GTF2IRD2: variants seen among roughly 807,000 people sequenced by gnomAD.
GTF2IRD2 encodes general transcription factor II-I repeat domain-containing protein 2A.
A neutral mutation model predicts 49.2 loss-of-function variants in GTF2IRD2; 8 were observed. The ratio of observed to expected loss-of-function variants is 0.16; its 90% CI spans 0.10 to 0.29. GTF2IRD2 has a LOEUF of 0.29. GTF2IRD2 is among the 10% of genes least tolerant of loss of function. The pLI is 1.00. For synonymous variants in GTF2IRD2, 47 were observed against 289.7 expected (o/e 0.16, Z 8.51); for missense variants, 130 against 725.7 (o/e 0.18, Z 9.43).
intron 15 of GTF2IRD2, among the ~76,000 whole-genome samples, 174 bp from the exon 16 acceptor site, chr7:74,798,439 C>T (rs1797196769): frequency 6.6e-6 from 1 of 151,736 alleles, no homozygotes; most frequent in Non-Finnish European, 1.5e-5. Flanking sequence ...TCAACTCCAG[C>T]AAACCGCTGC....
chr7:74,822,754 G>T lies in GTF2IRD2; in HGVS notation c.412C>A (p.Arg138=), dbSNP rs781985333. ...TGCACTACCACAGCCGACTGGTCTC[G>T]CAGCATCTTCTCATAGGGAACAGGC... ...MVPVPYEKML[R]DQSAVVVQGL... is the part of the protein sequence containing the mutation. Residue 138 remains arginine (R), a synonymous_variant, in exon 5 of 16, where the codon CGA becomes AGA. Transcript: ENST00000451013. 19 of 1,520,320 alleles carry T rather than the reference G, an allele frequency of 1.2e-5. 2 individuals are homozygous for T. The highest frequency in any genetic ancestry group is 1.4e-5 in the Non-Finnish European group (16 of 1,128,910). 94.2% of individuals were successfully genotyped at this position (1,520,320 alleles called of 1,614,324 possible). A position where few individuals can be genotyped will look rare whatever the true frequency, so the allele number is the denominator to read the frequency against.
intron 1 of GTF2IRD2, among the ~76,000 whole-genome samples, chr7:74,845,944 CTT>C (rs1291885122): frequency 2.9e-5 from 4 of 137,406 alleles, no homozygotes; most frequent in Non-Finnish European, 4.7e-5. Context: ...ACTTTTTACT[CTT>C]TTATTTTGAG....
chr7:74,808,748 T>C lies in GTF2IRD2; in HGVS notation c.871+360A>G, dbSNP rs1307179153. On this transcript the variant is annotated intron_variant, in intron 11 of 15. Coordinates refer to ENST00000451013, the MANE Select transcript of GTF2IRD2 (RefSeq NM_173537.5). ...TTCAATCTCTTCCCCACAATTTTTTTTTTTTTTTAGATGGAATCTCGCTCT... is the reference window on the plus strand; with the variant it reads ...TTCAATCTCTTCCCCACAATTTTTTCTTTTTTTTAGATGGAATCTCGCTCT... Among the ~76,000 whole-genome samples, 6 of 78,564 alleles carry C rather than the reference T, an allele frequency of 7.6e-5. 2 individuals are homozygous for C. The highest frequency in any genetic ancestry group is 1.0e-3 in the South Asian group (2 of 1,908). 51.5% of individuals were successfully genotyped at this position (78,564 alleles called of 152,430 possible).
At chr7:74,799,970 G>GT (rs1797401769) in intron 15 of GTF2IRD2, among the ~76,000 whole-genome samples, 1 of 124,408 alleles carries the variant, frequency 8.0e-6, no homozygotes, top group Non-Finnish European at 1.7e-5. Context: ...TGCTGTCCCA[G>GT]TTACTCGGGA....
At chr7:74,829,950 G>A (rs2906239) in intron 3 of GTF2IRD2, among the ~76,000 whole-genome samples, 1 of 149,940 alleles carries the variant, frequency 6.7e-6, no homozygotes, top group Non-Finnish European at 1.5e-5. Flanking sequence ...TAATCTTGAA[G>A]AAGAGCAAAT....
chr7:74,825,753 T>C (rs1392326175), intron 3 of GTF2IRD2, among the ~76,000 whole-genome samples: 2 of 152,222 alleles, frequency 1.3e-5, no homozygotes, highest in African/African-American at 2.4e-5. Context: ...TTTTTGTTTT[T>C]TTTTTTGTAT....
chr7:74,808,756 T>C (rs1554417430), intron 11 of GTF2IRD2, among the ~76,000 whole-genome samples: 1 of 69,122 alleles, frequency 1.4e-5, no homozygotes, highest in Non-Finnish European at 3.1e-5. Context: ...TTTTTTTTTT[T>C]AGATGGAATC....
chr7:74,819,172 G>A lies in GTF2IRD2; in HGVS notation c.670+382C>T, dbSNP rs1375318476. ...ACTCCTGAGCTCAGGCGATCTGTCC[G>A]CCTCAGCCTCCCAAAGTGCTGGGAT... On this transcript the variant is annotated intron_variant, in intron 8 of 15. Transcript: ENST00000451013. 11 of 312,808 alleles carry A rather than the reference G, an allele frequency of 3.5e-5. 1 individual carries two copies. The highest frequency in any genetic ancestry group is 3.1e-4 in the Admixed American group (7 of 22,720). The allele number at this position is 312,808 out of a possible 1,614,324, so 19.4% of individuals were successfully genotyped here.
At chr7:74,829,887 C>CAAAAA (rs1554420189) in intron 3 of GTF2IRD2, among the ~76,000 whole-genome samples, 1 of 59,828 alleles carries the variant, frequency 1.7e-5, no homozygotes, top group Admixed American at 2.1e-4. Context: ...GATTCTGTCT[C>CAAAAA]AAAAAAAAAA....
At chr7:74,826,028 G>A (rs1248851577) in intron 3 of GTF2IRD2, among the ~76,000 whole-genome samples, 16 of 151,536 alleles carry the variant, frequency 1.1e-4, no homozygotes, top group East Asian at 5.9e-4. Flanking sequence ...CTCGTGATCC[G>A]CCTGCCTCGG....
At chr7:74,831,462 A>C in intron 3 of GTF2IRD2, among the ~76,000 whole-genome samples, 1 of 148,098 alleles carries the variant, frequency 6.8e-6, no homozygotes, top group African/African-American at 2.5e-5. Flanking sequence ...CACACACTTT[A>C]TATACCCTCT....
At chr7:74,846,855 C>A (rs1260330045) in intron 1 of GTF2IRD2, among the ~76,000 whole-genome samples, 1 of 26,656 alleles carries the variant, frequency 3.8e-5, no homozygotes, top group Admixed American at 5.8e-4. Flanking sequence ...CACTATGTTG[C>A]CCAGGCTGAT....
chr7:74,822,001 C>T (rs1287565500), intron 6 of GTF2IRD2: 2 of 331,678 alleles, frequency 6.0e-6, no homozygotes, highest in East Asian at 7.7e-5. Context: ...GCTTGCTGCA[C>T]CTATTGGCCC....
chr7:74,815,866 GA>G (rs1741032645), intron 8 of GTF2IRD2, among the ~76,000 whole-genome samples: 1 of 83,430 alleles, frequency 1.2e-5, no homozygotes, highest in Non-Finnish European at 2.5e-5. Context: ...AAGAAAGAAA[GA>G]GAAAATAAAT....
chr7:74,798,968 G>C (rs1373712624), intron 15 of GTF2IRD2: 1 of 153,210 alleles, frequency 6.5e-6, no homozygotes, highest in Non-Finnish European at 1.4e-5. Flanking sequence ...GCACCACACC[G>C]AGCTATCTTT....
In GTF2IRD2 at chr7:74,803,381, T is replaced by TA. The variant is rs1554417083; in HGVS notation, c.1133dup (p.Phe379IlefsTer20). On this transcript the variant is annotated frameshift_variant, in exon 14 of 16. Coordinates refer to ENST00000451013, the MANE Select transcript of GTF2IRD2 (RefSeq NM_173537.5). LOFTEE classifies it high-confidence loss of function. Reference sequence around the variant, plus strand: ...TTTCCAGATAGCCGGGGGCCTTGAATACCACCCCCGGGGGCATGCCATCAA... The same window carrying TA: ...TTTCCAGATAGCCGGGGGCCTTGAATAACCACCCCCGGGGGCATGCCATCAA... The TA allele has an allele frequency of 2.7e-6, 1 of 365,336 alleles. No individual in the cohort carries two copies. Among genetic ancestry groups the TA allele is most frequent in the Non-Finnish European group, 4.7e-6 (1 of 214,170 alleles). 22.6% of individuals were successfully genotyped at this position (365,336 alleles called of 1,614,324 possible).
rs1204677476 is a variant in GTF2IRD2, at chr7:74,831,543, A to ACACACACC, written c.238+1261_238+1262insGGTGTGTG. 3.7e-4 allele frequency among the ~76,000 whole-genome samples: 52 copies of ACACACACC among 140,896 alleles called. 1 individual carries two copies. Among genetic ancestry groups the ACACACACC allele is most frequent in the African/African-American group, 1.1e-3 (42 of 38,642 alleles). The allele number at this position is 140,896 out of a possible 152,430, so 92.4% of individuals were successfully genotyped here. A position where few individuals can be genotyped will look rare whatever the true frequency, so the allele number is the denominator to read the frequency against. On this transcript the variant is annotated intron_variant, in intron 3 of 15. Coordinates refer to ENST00000451013, the MANE Select transcript of GTF2IRD2 (RefSeq NM_173537.5). ...CACACACACACACACACACACACAC[A>ACACACACC]CCCTTATACCCTCTGACGAACCTTT...
chr7:74,819,093 T>C (rs1477328089), intron 8 of GTF2IRD2: 1 of 198,440 alleles, frequency 5.0e-6, no homozygotes, highest in Non-Finnish European at 1.0e-5. Context: ...CCCAGCTAAT[T>C]TTTTGTATTT....
rs782728397 is a variant in GTF2IRD2, at chr7:74,822,850, G to A, written c.359-43C>T. 3.3e-5 allele frequency: 51 copies of A among 1,550,044 alleles called. 1 individual carries two copies. Among genetic ancestry groups the A allele is most frequent in the South Asian group, 1.3e-4 (11 of 83,196 alleles). ...CGTCTTTGGATGGTGTGAACCTAAC[G>A]TTCTACCAGTTTTTTTTTGTTTGTT... On this transcript the variant is annotated intron_variant, in intron 4 of 15. Transcript: ENST00000451013.
Sources: gnomAD v4.1 joint callset for allele counts (sites outside exome capture counted in the v4.1 genomes callset) on GRCh38, gnomAD v4.1.1 for gene constraint, MANE v1.5 for transcripts, NCBI Gene and HGNC (gene_info 2026-07-23, HGNC 2026-07-21) for gene names.